RGS6: variants seen among roughly 807,000 people sequenced by gnomAD.
RGS6 encodes the protein regulator of G-protein signaling 6.
In RGS6, 30 loss-of-function variants were observed where a neutral mutation model predicts 78.5. The ratio of observed to expected loss-of-function variants is 0.38; its 90% CI spans 0.29 to 0.52. The LOEUF (loss-of-function observed/expected upper bound fraction) is 0.52. RGS6 is among the 20% of genes least tolerant of loss of function. RGS6 has a pLI of 0.85. For synonymous variants in RGS6, 206 were observed against 206.0 expected, an observed-to-expected ratio of 1.00 and a Z score of 0.00; for missense variants, 495 against 609.7, an observed-to-expected ratio of 0.81 and a Z score of 1.98.
chr14:72,334,323 G>T (rs901190079), intron 2 of RGS6, among the ~76,000 whole-genome samples: 1 of 152,232 alleles, frequency 6.6e-6, no homozygotes, highest in African/African-American at 2.4e-5. Context: ...CCTAGCTGCG[G>T]AAAGAGCCTT....
the RGS6 span, among the ~76,000 whole-genome samples, chr14:71,875,420 G>A: frequency 1.3e-5 from 2 of 152,156 alleles, no homozygotes; most frequent in Non-Finnish European, 2.9e-5. Context: ...AGATTTTCTA[G>A]TTTAATTGCA....
intron 3 of RGS6, among the ~76,000 whole-genome samples, chr14:72,389,950 C>T (rs2089468576): frequency 6.6e-6 from 1 of 151,944 alleles, no homozygotes; most frequent in Non-Finnish European, 1.5e-5. Flanking sequence ...CAACAAAAGT[C>T]CAACTTGTAT....
intron 3 of RGS6, among the ~76,000 whole-genome samples, chr14:72,452,873 T>C (rs528468078): frequency 9.2e-5 from 14 of 152,338 alleles, no homozygotes; most frequent in African/African-American, 3.4e-4. Flanking sequence ...ACAGTGCTGC[T>C]CTCAGAACAT....
intron 13 of RGS6, among the ~76,000 whole-genome samples, chr14:72,503,518 G>A (rs1022201842): frequency 6.6e-6 from 1 of 152,134 alleles, no homozygotes; most frequent in Non-Finnish European, 1.5e-5. Context: ...AACAAGTTAT[G>A]TGCTTCCAAA....
intron 2 of RGS6, among the ~76,000 whole-genome samples, chr14:72,110,305 G>A (rs1398739587): frequency 1.3e-5 from 2 of 152,162 alleles, no homozygotes; most frequent in Non-Finnish European, 2.9e-5. Flanking sequence ...ATAGACTGGT[G>A]ATTCTGTGGA....
At chr14:72,440,341 G>C (rs921042218) in intron 3 of RGS6, among the ~76,000 whole-genome samples, 1 of 151,736 alleles carries the variant, frequency 6.6e-6, no homozygotes, top group Non-Finnish European at 1.5e-5. Context: ...CAAGCAGGCA[G>C]TTAAGATTAT....
Position 72,319,374 on chromosome 14 carries a change from G to A in RGS6, c.85-32721G>A, listed in dbSNP as rs559810813. Among the ~76,000 whole-genome samples the A allele has an allele frequency of 1.8e-3, 277 of 150,516 alleles. 1 individual carries two copies. Among genetic ancestry groups the A allele is most frequent in the African/African-American group, 6.4e-3 (264 of 40,988 alleles). On this transcript the variant is annotated intron_variant, in intron 2 of 17. Coordinates refer to ENST00000553525, the MANE Select transcript of RGS6 (RefSeq NM_001204424.2). ...AATTTTTTTTTTTTTTTTTGAGACG[G>A]AGTCTCGCCCTGTTGCCCAGGCTGG... is the stretch of plus-strand genomic sequence containing the variant.
chr14:71,878,385 C>T, the RGS6 span, among the ~76,000 whole-genome samples: 1 of 152,226 alleles, frequency 6.6e-6, no homozygotes, highest in African/African-American at 2.4e-5. Context: ...CAATGGCAGG[C>T]ACCCCTCCCC....
At chr14:71,969,013 C>G (rs2153067267) in intron 2 of RGS6, among the ~76,000 whole-genome samples, 1 of 152,230 alleles carries the variant, frequency 6.6e-6, no homozygotes, top group Non-Finnish European at 1.5e-5. Context: ...TGTGATGTTC[C>G]CCTTCCTGTG....
intron 15 of RGS6, among the ~76,000 whole-genome samples, chr14:72,530,372 A>G: frequency 6.6e-6 from 1 of 152,180 alleles, no homozygotes; most frequent in East Asian, 1.9e-4. Context: ...GTGGACTAAC[A>G]TTTGTACCTA....
intron 2 of RGS6, among the ~76,000 whole-genome samples, chr14:72,115,840 G>C (rs1291577589): frequency 6.6e-6 from 1 of 152,184 alleles, no homozygotes; most frequent in Non-Finnish European, 1.5e-5. Context: ...ACCACACCTA[G>C]TCTCACTAAG....
the RGS6 span, among the ~76,000 whole-genome samples, chr14:71,923,246 G>A: frequency 6.6e-6 from 1 of 152,212 alleles, no homozygotes; most frequent in Non-Finnish European, 1.5e-5. Flanking sequence ...AAGAAGGTGT[G>A]AGTAGAGAAT....
intron 2 of RGS6, among the ~76,000 whole-genome samples, chr14:72,269,142 ACCAC>A (rs1308612877): frequency 1.8e-3 from 9 of 5,036 alleles, no homozygotes; most frequent in African/African-American, 3.8e-3. Flanking sequence ...CCGCCCCCCC[ACCAC>A]CCACCTTGCT....
intron 3 of RGS6, among the ~76,000 whole-genome samples, chr14:72,428,098 C>T (rs955163242): frequency 1.8e-4 from 27 of 152,250 alleles, no homozygotes; most frequent in African/African-American, 6.0e-4. Context: ...GGACTTATCT[C>T]ACCAATGGAG....
chr14:72,179,271 C>T (rs1484839332), intron 2 of RGS6, among the ~76,000 whole-genome samples: 1 of 152,134 alleles, frequency 6.6e-6, no homozygotes, highest in Non-Finnish European at 1.5e-5. Flanking sequence ...AGTGCCTGCC[C>T]CAGGTGGGAT....
chr14:72,251,888 A>G (rs1190966733), intron 2 of RGS6, among the ~76,000 whole-genome samples: 4 of 152,254 alleles, frequency 2.6e-5, no homozygotes, highest in African/African-American at 7.2e-5. Context: ...AGAAAAATGA[A>G]TAAATCCTGT....
intron 2 of RGS6, among the ~76,000 whole-genome samples, chr14:72,306,929 G>A (rs2067368759): frequency 6.6e-6 from 1 of 152,200 alleles, no homozygotes. Context: ...GAATTTTTGT[G>A]TGCATGTGGA....
chr14:72,280,264 A>C (rs545757248), intron 2 of RGS6, among the ~76,000 whole-genome samples: 2 of 152,284 alleles, frequency 1.3e-5, no homozygotes, highest in East Asian at 3.9e-4. Flanking sequence ...AGAAAAAGTG[A>C]ATAGGTTTTT....
At chr14:72,073,853 A>G (rs1161670072) in intron 2 of RGS6, among the ~76,000 whole-genome samples, 1 of 152,242 alleles carries the variant, frequency 6.6e-6, no homozygotes, top group African/African-American at 2.4e-5. Context: ...AGCTATTTTA[A>G]GTAGACTAAG....
Sources: gnomAD v4.1 joint callset for allele counts (sites outside exome capture counted in the v4.1 genomes callset) on GRCh38, gnomAD v4.1.1 for gene constraint, MANE v1.5 for transcripts, NCBI Gene and HGNC (gene_info 2026-07-23, HGNC 2026-07-21) for gene names.